The following CCDC102B variants were observed in gnomAD, a reference collection of about 807,000 sequenced individuals.
CCDC102B encodes coiled-coil domain containing 102B, also known as coiled-coil domain-containing protein 102B.
CCDC102B carries 75 observed loss-of-function variants against 57.4 expected under a neutral mutation model. The ratio of observed to expected loss-of-function variants is 1.31; its 90% CI spans 1.08 to 1.58. The LOEUF (loss-of-function observed/expected upper bound fraction) is 1.58. Among genes scored for constraint, CCDC102B ranks in the 40% most tolerant of loss-of-function variants. CCDC102B has a pLI of 0.00. For missense variants in CCDC102B, 636 were observed against 582.6 expected, an observed-to-expected ratio of 1.09 and a Z score of -0.94; for synonymous variants, 206 against 201.9, an observed-to-expected ratio of 1.02 and a Z score of -0.17.
chr18:68,769,713 A>T (rs2034579289), intron 2 of CCDC102B, among the ~76,000 whole-genome samples: 1 of 152,170 alleles, frequency 6.6e-6, no homozygotes, highest in South Asian at 2.1e-4. Flanking sequence ...CAAAAAAAAA[A>T]GCAAGATCTC....
intron 2 of CCDC102B, among the ~76,000 whole-genome samples, chr18:68,748,579 A>C (rs896872096): frequency 5.3e-5 from 8 of 152,130 alleles, no homozygotes; most frequent in African/African-American, 1.9e-4. Context: ...AACTTCTGGC[A>C]GCAATGATAG....
At chr18:68,773,098 A>G (rs553392166) in intron 2 of CCDC102B, among the ~76,000 whole-genome samples, 43 of 152,180 alleles carry the variant, frequency 2.8e-4, no homozygotes, top group African/African-American at 9.6e-4. Flanking sequence ...GCCCTCAAAA[A>G]CATGTCATTA....
At chr18:68,963,192 A>T (rs997401432) in intron 6 of CCDC102B, among the ~76,000 whole-genome samples, 2 of 152,010 alleles carry the variant, frequency 1.3e-5, no homozygotes, top group Non-Finnish European at 2.9e-5. Context: ...GAATATGTTT[A>T]CTTTACAATG....
intron 2 of CCDC102B, among the ~76,000 whole-genome samples, chr18:68,730,788 T>C (rs1275311125): frequency 6.6e-6 from 1 of 152,152 alleles, no homozygotes; most frequent in Non-Finnish European, 1.5e-5. Flanking sequence ...AGTCAGAAAA[T>C]GTCTTCTACA....
At chr18:69,011,281 A>G (rs2051508440) in intron 7 of CCDC102B, 177 bp downstream of exon 7, 2 of 602,624 alleles carry the variant, frequency 3.3e-6, no homozygotes, top group South Asian at 2.9e-5. Flanking sequence ...CAATGTGCAC[A>G]TGTTTGTGGC....
chr18:68,828,761 G>C (rs1270463961), intron 1 of CCDC102B, among the ~76,000 whole-genome samples: 1 of 150,968 alleles, frequency 6.6e-6, no homozygotes, highest in Non-Finnish European at 1.5e-5. Flanking sequence ...TATTTAAATT[G>C]TTATTTCTTT....
chr18:69,002,581 G>GT (rs2051232965), intron 6 of CCDC102B, among the ~76,000 whole-genome samples: 1 of 152,100 alleles, frequency 6.6e-6, no homozygotes, highest in Non-Finnish European at 1.5e-5. Flanking sequence ...GATTTATCAC[G>GT]TAACAGAAAA....
At chr18:68,934,746 A>G (rs1466127796) in intron 6 of CCDC102B, among the ~76,000 whole-genome samples, 1 of 151,974 alleles carries the variant, frequency 6.6e-6, no homozygotes, top group Non-Finnish European at 1.5e-5. Flanking sequence ...AGCAAATACT[A>G]TATTCAAACG....
At chr18:69,046,553 C>T (rs1473700372) in intron 7 of CCDC102B, among the ~76,000 whole-genome samples, 8 of 152,004 alleles carry the variant, frequency 5.3e-5, no homozygotes, top group Non-Finnish European at 1.2e-4. Flanking sequence ...TGTCTGTTTA[C>T]CCTTATGATA....
At chr18:68,909,741 T>C (rs1234747933) in intron 6 of CCDC102B, among the ~76,000 whole-genome samples, 2 of 152,170 alleles carry the variant, frequency 1.3e-5, no homozygotes, top group Non-Finnish European at 2.9e-5. Context: ...TTTGATAAAC[T>C]AATTAAGGGG....
chr18:68,887,123 T>C (rs963333571), intron 5 of CCDC102B, among the ~76,000 whole-genome samples: 1 of 152,048 alleles, frequency 6.6e-6, no homozygotes, highest in Non-Finnish European at 1.5e-5. Flanking sequence ...CTAGGTTGAG[T>C]AGAAACAGTT....
chr18:68,720,576 C>T (rs1456363290), intron 2 of CCDC102B, among the ~76,000 whole-genome samples: 1 of 152,192 alleles, frequency 6.6e-6, no homozygotes, highest in Non-Finnish European at 1.5e-5. Context: ...AAAGAAGAAG[C>T]TAGACGCTTT....
intron 1 of CCDC102B, among the ~76,000 whole-genome samples, chr18:68,816,465 T>C (rs925614688): frequency 0.034 from 4,219 of 125,222 alleles, 62 homozygotes; most frequent in Non-Finnish European, 0.049. Context: ...CTTTCTTTTT[T>C]TTTTTTTTTT....
chr18:69,011,559 G>A (rs1224425279), intron 7 of CCDC102B, among the ~76,000 whole-genome samples: 2 of 150,418 alleles, frequency 1.3e-5, no homozygotes, highest in Admixed American at 1.3e-4. Context: ...ACTCAATAAT[G>A]GTTTATAGAA....
At chr18:68,746,952 GAC>G (rs1168622350) in intron 2 of CCDC102B, among the ~76,000 whole-genome samples, 4 of 151,716 alleles carry the variant, frequency 2.6e-5, no homozygotes, top group Non-Finnish European at 5.9e-5. Flanking sequence ...TGTTTTAATT[GAC>G]ACATCATAAC....
intron 7 of CCDC102B, among the ~76,000 whole-genome samples, chr18:69,032,018 G>GATT (rs1483659838): frequency 6.6e-6 from 1 of 151,586 alleles, no homozygotes; most frequent in African/African-American, 2.4e-5. Context: ...GGAATAACTG[G>GATT]ATTTTTATAT....
chr18:68,746,743 A>T (rs986672630), intron 2 of CCDC102B, among the ~76,000 whole-genome samples: 1 of 148,334 alleles, frequency 6.7e-6, no homozygotes, highest in African/African-American at 2.6e-5. Flanking sequence ...TTTTTTTTTT[A>T]AAAAATGATA....
intron 2 of CCDC102B, among the ~76,000 whole-genome samples, chr18:68,790,095 G>A (rs2035377165): frequency 6.7e-6 from 1 of 148,824 alleles, no homozygotes; most frequent in Non-Finnish European, 1.5e-5. Flanking sequence ...TGCCATGTGA[G>A]GTGTCAGTCT....
chr18:68,892,399 A>G (rs2040110815), intron 5 of CCDC102B, among the ~76,000 whole-genome samples: 1 of 152,040 alleles, frequency 6.6e-6, no homozygotes. Context: ...ACCATAGCGC[A>G]TGTTTTCTCT....
Sources: allele counts gnomAD v4.1 joint callset (sites outside exome capture counted in the v4.1 genomes callset), GRCh38; gene constraint gnomAD v4.1.1; transcripts MANE v1.5; gene names NCBI Gene and HGNC (gene_info 2026-07-23, HGNC 2026-07-21).